Variants in PGAP4 observed in about 807,000 individuals in gnomAD.
PGAP4 encodes the protein post-GPI attachment to proteins GalNAc transferase 4.
Under a neutral mutation model 28.2 loss-of-function variants are expected in PGAP4, and 12 were observed. The observed-to-expected ratio is 0.42, with a 90% confidence interval of 0.27 to 0.69. The LOEUF (loss-of-function observed/expected upper bound fraction) is 0.69. Ranked by LOEUF, PGAP4 falls within the 30% of genes least tolerant of loss-of-function variation. The pLI is 0.22. For missense variants in PGAP4, 425 were observed against 513.5 expected (o/e 0.83, Z 1.67); for synonymous variants, 205 against 211.8 (o/e 0.97, Z 0.28).
upstream of PGAP4, among the ~76,000 whole-genome samples, chr9:101,487,496 T>C (rs928238883): frequency 5.3e-5 from 8 of 152,162 alleles, no homozygotes; most frequent in Non-Finnish European, 8.8e-5. Context: ...TATGAGAAAG[T>C]ATGCACATTG....
intron 2 of PGAP4, among the ~76,000 whole-genome samples, chr9:101,530,384 T>C (rs10989551): frequency 0.062 from 9,502 of 152,160 alleles, 383 homozygotes; most frequent in Middle Eastern, 0.11. Flanking sequence ...AAGTCATCAT[T>C]TGAAAAAAAA....
upstream of PGAP4, among the ~76,000 whole-genome samples, chr9:101,489,623 A>G (rs531741535): frequency 2.0e-5 from 3 of 152,306 alleles, no homozygotes; most frequent in South Asian, 6.2e-4. Context: ...GAGAATAAAT[A>G]GCATAACTCT....
chr9:101,529,315 C>T (rs1001604179), intron 2 of PGAP4, among the ~76,000 whole-genome samples: 1 of 151,998 alleles, frequency 6.6e-6, no homozygotes, highest in South Asian at 2.1e-4. Context: ...ACCACCATGC[C>T]CAGCTAATTT....
chr9:101,522,378 T>C (rs1478254450), intron 2 of PGAP4, among the ~76,000 whole-genome samples: 1 of 152,208 alleles, frequency 6.6e-6, no homozygotes, highest in Non-Finnish European at 1.5e-5. Flanking sequence ...GTAATTGTTT[T>C]ATAAATTTGG....
chr9:101,528,990 CTGTGTCCA>C (rs1827060777), intron 2 of PGAP4, among the ~76,000 whole-genome samples: 1 of 151,892 alleles, frequency 6.6e-6, no homozygotes, highest in South Asian at 2.1e-4. Flanking sequence ...CTCTCTCTCT[CTGTGTCCA>C]TGTGTTCTCA....
chr9:101,519,846 G>A (rs1826973573), intron 2 of PGAP4, among the ~76,000 whole-genome samples: 2 of 151,976 alleles, frequency 1.3e-5, no homozygotes, highest in South Asian at 4.1e-4. Context: ...GAATTTTTAT[G>A]GTTTCAGGTC....
chr9:101,507,637 G>A (rs1053932861), intron 2 of PGAP4, among the ~76,000 whole-genome samples: 1 of 152,140 alleles, frequency 6.6e-6, no homozygotes, highest in African/African-American at 2.4e-5. Flanking sequence ...AAGCTCCCCT[G>A]CTTTGGGATT....
At chr9:101,485,661 C>G (rs1304781797) in intron 1 of PGAP4, among the ~76,000 whole-genome samples, 2 of 152,050 alleles carry the variant, frequency 1.3e-5, no homozygotes, top group South Asian at 2.1e-4. Context: ...AGACAAGATA[C>G]CATTTTTTGG....
chr9:101,494,887 T>C (rs113771923), intron 2 of PGAP4, among the ~76,000 whole-genome samples: 2 of 151,224 alleles, frequency 1.3e-5, no homozygotes, highest in Admixed American at 6.6e-5. Context: ...ATTAGACTTT[T>C]ATAAATTTTA....
intron 2 of PGAP4, among the ~76,000 whole-genome samples, chr9:101,496,291 C>A (rs1414532225): frequency 1.3e-5 from 2 of 151,266 alleles, no homozygotes; most frequent in Non-Finnish European, 1.5e-5. Context: ...AAAGATAAAT[C>A]TTTTTTTAAG....
intron 2 of PGAP4, among the ~76,000 whole-genome samples, chr9:101,499,258 A>C (rs1344539798): frequency 6.6e-6 from 1 of 152,042 alleles, no homozygotes; most frequent in Non-Finnish European, 1.5e-5. Flanking sequence ...AAGGGCCAAA[A>C]AGGTGAGCTG....
intron 1 of PGAP4, among the ~76,000 whole-genome samples, chr9:101,485,964 C>A (rs535882542): frequency 1.3e-5 from 2 of 152,268 alleles, no homozygotes; most frequent in Admixed American, 1.3e-4. Context: ...CACACACATG[C>A]ACGCGCACAC....
rs868732022 is a variant in PGAP4, at chr9:101,499,565, A to G, written c.-164-10365T>C. On this transcript the variant is annotated intron_variant, in intron 2 of 3. Transcript: ENST00000374851. ...TGTTTTGAAGTAATTATTCTTGACT[A>G]CTAAGATCTGTAACAAGCGCAACAC... Among the ~76,000 whole-genome samples the G allele has an allele frequency of 5.3e-5, 8 of 152,218 alleles. No homozygotes were observed. The South Asian group carries it at 1.7e-3, about 31-fold the overall frequency.
intron 2 of PGAP4, among the ~76,000 whole-genome samples, chr9:101,498,651 T>C (rs1200942931): frequency 6.6e-6 from 1 of 152,006 alleles, no homozygotes; most frequent in Non-Finnish European, 1.5e-5. Context: ...AACTGTATAG[T>C]TGCAGGTTTT....
chr9:101,485,754 T>C (rs1245944490), intron 1 of PGAP4, among the ~76,000 whole-genome samples: 1 of 152,074 alleles, frequency 6.6e-6, no homozygotes. Context: ...CATCTAGAAG[T>C]TGAAGTTTTA....
At chr9:101,481,269 A>T (rs1434435647) in intron 1 of PGAP4, 2 of 152,204 alleles carry the variant, frequency 1.3e-5, no homozygotes, top group Non-Finnish European at 2.9e-5. Flanking sequence ...TTTCACTGCT[A>T]GTTTGGGGAA....
chr9:101,518,549 C>G (rs1826959976), intron 2 of PGAP4, among the ~76,000 whole-genome samples: 1 of 152,130 alleles, frequency 6.6e-6, no homozygotes, highest in Non-Finnish European at 1.5e-5. Context: ...TGTTCTCATA[C>G]AATATTCTCA....
intron 1 of PGAP4, among the ~76,000 whole-genome samples, chr9:101,479,024 C>A (rs1251078141): frequency 1.3e-5 from 2 of 152,154 alleles, no homozygotes; most frequent in Non-Finnish European, 2.9e-5. Context: ...CTATGGGACT[C>A]CAAAGGTGAG....
intron 2 of PGAP4, among the ~76,000 whole-genome samples, chr9:101,517,612 T>G (rs1826953321): frequency 6.6e-6 from 1 of 151,964 alleles, no homozygotes; most frequent in Admixed American, 6.6e-5. Context: ...ATGACAAACA[T>G]GTGATTCAAG....
Sources: gnomAD v4.1 joint callset for allele counts (sites outside exome capture counted in the v4.1 genomes callset) on GRCh38, gnomAD v4.1.1 for gene constraint, MANE v1.5 for transcripts, NCBI Gene and HGNC (gene_info 2026-07-23, HGNC 2026-07-21) for gene names.